The following PPP6R1 variants were observed in gnomAD, a reference collection of about 807,000 sequenced individuals.
PPP6R1 encodes serine/threonine-protein phosphatase 6 regulatory subunit 1.
A neutral mutation model predicts 104.6 loss-of-function variants in PPP6R1; 39 were observed. The ratio of observed to expected loss-of-function variants is 0.37; its 90% CI spans 0.29 to 0.49. The LOEUF is 0.49. PPP6R1 is among the 20% of genes least tolerant of loss of function. The pLI is 0.98. For missense variants in PPP6R1, 1,181 were observed against 1,155.8 expected (o/e 1.02, Z -0.32); for synonymous variants, 549 against 479.0 (o/e 1.15, Z -1.91).
At chr19:55,237,737 C>T (rs1444356058) in intron 15 of PPP6R1, among the ~76,000 whole-genome samples, 1 of 152,214 alleles carries the variant, frequency 6.6e-6, no homozygotes, top group Non-Finnish European at 1.5e-5. Flanking sequence ...TGAGAAGCAG[C>T]GGAGCAGAGA....
chr19:55,246,617 C>T (rs975018717), intron 2 of PPP6R1, among the ~76,000 whole-genome samples: 6 of 152,208 alleles, frequency 3.9e-5, no homozygotes, highest in Non-Finnish European at 7.3e-5. Flanking sequence ...GCAACTGAGG[C>T]GGGAGGATCA....
chr19:55,232,005 G>T (rs2087353445), intron 18 of PPP6R1, 23 bp from the exon 19 acceptor site: 1 of 1,606,430 alleles, frequency 6.2e-7, no homozygotes, highest in South Asian at 1.1e-5. Flanking sequence ...TGGGGGAGCG[G>T]GATGGAGGGT....
chr19:55,230,247 CTATAT>C lies in PPP6R1; in HGVS notation c.*276_*280del. ...CTCTCTCTCGCTCTCCTCCCTCTCT[CTATAT>C]AATATATAATATATGTTTCTCTCTC... On this transcript the variant is annotated 3_prime_UTR_variant, in exon 24 of 24. Coordinates refer to ENST00000412770, the MANE Select transcript of PPP6R1 (RefSeq NM_014931.4). The C allele has an allele frequency of 3.9e-6, 2 of 509,996 alleles. No homozygotes were observed. Among genetic ancestry groups the C allele is most frequent in the East Asian group, 3.3e-5 (1 of 30,648 alleles). The allele number at this position is 509,996 out of a possible 1,614,324, so 31.6% of individuals were successfully genotyped here. A position where few individuals can be genotyped will look rare whatever the true frequency, so the allele number is the denominator to read the frequency against.
Position 55,239,892 on chromosome 19 carries a change from C to T in PPP6R1, c.1497G>A (p.Gln499=). 6.2e-7 allele frequency: 1 copy of T among 1,613,928 alleles called. No homozygotes were observed. Among genetic ancestry groups the T allele is most frequent in the Non-Finnish European group, 8.5e-7 (1 of 1,179,872 alleles). Residue 499 remains glutamine, a synonymous_variant, in exon 13 of 24, where the codon CAG becomes CAA. Transcript: ENST00000412770. ...QLLKELPSEQ[Q]EQWEAFVSGP... ...CCGATACGAAGGCTTCCCACTGCTCCTGCTGCTCGCTGGGCAGCTCTGCTT... is the reference window on the plus strand; with the variant it reads ...CCGATACGAAGGCTTCCCACTGCTCTTGCTGCTCGCTGGGCAGCTCTGCTT...
chr19:55,248,112 A>T (rs1481388981), intron 1 of PPP6R1, among the ~76,000 whole-genome samples: 1 of 152,210 alleles, frequency 6.6e-6, no homozygotes, highest in East Asian at 1.9e-4. Flanking sequence ...CCTGTACTAC[A>T]TCACTGCTCC....
In PPP6R1 at chr19:55,241,731, G is replaced by C. The variant is rs1345575373; in HGVS notation, c.846-92C>G. 7.3e-7 allele frequency: 1 copy of C among 1,376,362 alleles called. No individual in the cohort carries two copies. Among genetic ancestry groups the C allele is most frequent in the African/African-American group, 1.5e-5 (1 of 67,984 alleles). 85.3% of individuals were successfully genotyped at this position (1,376,362 alleles called of 1,614,324 possible). On this transcript the variant is annotated intron_variant, in intron 7 of 23. Coordinates refer to ENST00000412770, the MANE Select transcript of PPP6R1 (RefSeq NM_014931.4). This position sits in a 1 kb window ranked among gnomAD's most constrained non-coding sequence, Gnocchi z 5.4. ...ACAAGGACCACGTCTGCAGGGTCTG[G>C]AGGAAAACGAGGAGCCACATGCCCC...
In PPP6R1 at chr19:55,241,652, A is replaced by G. The variant is rs968329688; in HGVS notation, c.846-13T>C. 1.3e-6 allele frequency: 2 copies of G among 1,558,720 alleles called. No homozygotes were observed. Among genetic ancestry groups the G allele is most frequent in the East Asian group, 4.7e-5 (2 of 42,248 alleles). On this transcript the variant is annotated splice_polypyrimidine_tract_variant and intron_variant, in intron 7 of 23. Coordinates refer to ENST00000412770, the MANE Select transcript of PPP6R1 (RefSeq NM_014931.4). The surrounding 1 kb of genome is among the most constrained non-coding windows in gnomAD (Gnocchi z 5.4). The stretch of plus-strand genomic sequence containing the variant: ...CACGGACTCGGACCTGCAGCAGGGC[A>G]GGGTCGAAGGCGGAGTGAGCCTAGA...
chr19:55,230,463 C>T lies in PPP6R1; in HGVS notation c.*65G>A, dbSNP rs996395734. 6 of 1,606,864 alleles carry T rather than the reference C, an allele frequency of 3.7e-6. No homozygotes were observed. Among genetic ancestry groups the T allele is most frequent in the African/African-American group, 2.7e-5 (2 of 74,770 alleles). ...AATGGGGGCCATCGTGGGACCCGCC[C>T]TGCCCCCACCCCGGGAGATCCACGG... is the stretch of plus-strand genomic sequence containing the variant. On this transcript the variant is annotated 3_prime_UTR_variant, in exon 24 of 24. Coordinates refer to ENST00000412770, the MANE Select transcript of PPP6R1 (RefSeq NM_014931.4).
chr19:55,232,599 C>T (rs1454087872), intron 17 of PPP6R1: 3 of 185,528 alleles, frequency 1.6e-5, no homozygotes, highest in East Asian at 3.3e-4. Context: ...TTCCCACCAG[C>T]AGGCCCACCC....
intron 10 of PPP6R1, 48 bp from the exon 11 acceptor site, chr19:55,240,348 T>C (rs768386231): frequency 7.2e-7 from 1 of 1,393,060 alleles, no homozygotes; most frequent in African/African-American, 1.4e-5. Context: ...TCTGCACACA[T>C]GTGGGGAGCT....
At chr19:55,253,572 G>A (rs2087570088) in intron 1 of PPP6R1, among the ~76,000 whole-genome samples, 1 of 152,182 alleles carries the variant, frequency 6.6e-6, no homozygotes, top group African/African-American at 2.4e-5. Flanking sequence ...GCAGCGCCCT[G>A]AACTCTCCAT....
At chr19:55,251,063 T>C (rs1170524778) in intron 1 of PPP6R1, among the ~76,000 whole-genome samples, 2 of 152,178 alleles carry the variant, frequency 1.3e-5, no homozygotes, top group African/African-American at 2.4e-5. Context: ...TCCTCAGATC[T>C]CTTACTAAGC....
At position 55,241,587 on chromosome 19, in the gene PPP6R1, C is replaced by G. The variant is rs1387487049; in HGVS notation, c.898G>C (p.Glu300Gln). The change falls in exon 8 of 24, where the codon GAG becomes CAG. Residue 300 changes from glutamate to glutamine, a missense_variant. This residue lies in a region of PPP6R1 where 1,042 missense variants were observed against 955.6 expected (regional missense o/e 1.09). Coordinates refer to ENST00000412770, the MANE Select transcript of PPP6R1 (RefSeq NM_014931.4). The surrounding 1 kb of genome is among the most constrained non-coding windows in gnomAD (Gnocchi z 5.4). ...TCCAGGGCCCCCTGGGCCAGGAGCT[C>G]CAGCTGCCCATCCACACTGCTGAAG... Reference protein sequence around the residue: ...SFFSSVDGQLELLAQGALEST... With the variant: ...SFFSSVDGQLQLLAQGALEST... 4 of 1,585,684 alleles carry G rather than the reference C, an allele frequency of 2.5e-6. No homozygotes were observed. Among genetic ancestry groups the G allele is most frequent in the Non-Finnish European group, 3.4e-6 (4 of 1,167,352 alleles).
rs1600101412 is a variant in PPP6R1, at chr19:55,230,479, A to G, written c.*49T>C. 1 of 1,600,852 alleles carries G rather than the reference A, an allele frequency of 6.2e-7. No individual in the cohort carries two copies. The highest frequency in any genetic ancestry group is 8.5e-7 in the Non-Finnish European group (1 of 1,171,068). The stretch of plus-strand genomic sequence containing the variant: ...GGACCCGCCCTGCCCCCACCCCGGG[A>G]GATCCACGGGAGGACGGAAGATTTG... On this transcript the variant is annotated 3_prime_UTR_variant, in exon 24 of 24. Coordinates refer to ENST00000412770, the MANE Select transcript of PPP6R1 (RefSeq NM_014931.4).
At chr19:55,234,572 C>T (rs1054889451) in intron 17 of PPP6R1, among the ~76,000 whole-genome samples, 5 of 152,272 alleles carry the variant, frequency 3.3e-5, no homozygotes, top group South Asian at 4.1e-4. Context: ...AAAGAGAGGG[C>T]TAAGTCAAGA....
rs370371653 is a variant in PPP6R1 at position 55,242,416 on chromosome 19, C to T, written c.691G>A (p.Asp231Asn). 1.9e-5 allele frequency: 31 copies of T among 1,614,002 alleles called. No homozygotes were observed. Among genetic ancestry groups the T allele is most frequent in the Non-Finnish European group, 2.6e-5 (31 of 1,179,868 alleles). Reference sequence around the variant, plus strand: ...AGCAGTTGGTCAGGCTCTGGGCTGTCCTGGACTTGGATCATCTGCTCCCGG... The same window carrying T: ...AGCAGTTGGTCAGGCTCTGGGCTGTTCTGGACTTGGATCATCTGCTCCCGG... ...LSREQMIQVQ[D>N]SPEPDQLLAT... Residue 231 changes from aspartate (D) to asparagine (N), a missense_variant, in exon 6 of 24, where the codon GAC becomes AAC. Physicochemically the swap from Asp to Asn is conservative, Grantham distance 23. Around this residue, in one of 2 missense-constraint regions of PPP6R1, gnomAD observed 1,042 missense variants for 955.6 expected, o/e 1.09. Transcript: ENST00000412770.
At position 55,241,201 on chromosome 19, in the gene PPP6R1, C is replaced by T. The variant is rs2122619686; in HGVS notation, c.1161+38G>A. On this transcript the variant is annotated intron_variant, in intron 9 of 23. Transcript: ENST00000412770. The surrounding 1 kb of genome is among the most constrained non-coding windows in gnomAD (Gnocchi z 5.4). ...CCCTCAGCCCAGTCCAGTCCCCGCCCCAGCCCCTGAACCCCCAGCCCGGTC... is the reference window on the plus strand; with the variant it reads ...CCCTCAGCCCAGTCCAGTCCCCGCCTCAGCCCCTGAACCCCCAGCCCGGTC... The T allele has an allele frequency of 6.6e-7, 1 of 1,506,206 alleles. No individual in the cohort carries two copies. Among genetic ancestry groups the T allele is most frequent in the South Asian group, 1.3e-5 (1 of 78,462 alleles). 93.3% of individuals were successfully genotyped at this position (1,506,206 alleles called of 1,614,324 possible).
Position 55,242,295 on chromosome 19 carries a change from C to T in PPP6R1, c.732-16G>A. On this transcript the variant is annotated splice_polypyrimidine_tract_variant and intron_variant, in intron 6 of 23. Transcript: ENST00000412770. ...CGTCTCCTGCCTGCGGGGGCAGGGG[C>T]AGGGGTCAGGGTGAGGGGCCAGGGG... The T allele has an allele frequency of 6.2e-7, 1 of 1,613,056 alleles. No homozygotes were observed. The highest frequency in any genetic ancestry group is 8.5e-7 in the Non-Finnish European group (1 of 1,179,098).
intron 1 of PPP6R1, among the ~76,000 whole-genome samples, chr19:55,251,974 G>T (rs2087557110): frequency 1.3e-5 from 2 of 151,980 alleles, no homozygotes; most frequent in South Asian, 4.2e-4. Context: ...AGACCAAGCA[G>T]GCTGATAGGC....
Sources: gnomAD v4.1 joint callset for allele counts (sites outside exome capture counted in the v4.1 genomes callset) on GRCh38, gnomAD v4.1.1 for gene constraint, gnomAD v4.1.1 regional missense constraint, Gnocchi (gnomAD v3.1) non-coding constraint, MANE v1.5 for transcripts, NCBI Gene and HGNC (gene_info 2026-07-23, HGNC 2026-07-21) for gene names.